GPHN: variants seen among roughly 807,000 people sequenced by gnomAD.
GPHN encodes the protein gephyrin.
In GPHN, 17 loss-of-function variants were observed where a neutral mutation model predicts 95.5. The observed-to-expected ratio is 0.18, with a 90% CI of 0.12 to 0.27. GPHN has a LOEUF of 0.27. Ranked by LOEUF, GPHN falls within the 10% of genes least tolerant of loss-of-function variation. The probability of loss-of-function intolerance (pLI) is 1.00; values close to 1 mark genes in which losing one functional copy is unlikely to be tolerated. For synonymous variants in GPHN, 320 were observed against 322.5 expected, an observed-to-expected ratio of 0.99 and a Z score of 0.08; for missense variants, 660 against 978.1, an observed-to-expected ratio of 0.67 and a Z score of 4.34.
chr14:66,531,210 T>C (rs1168312856), intron 1 of GPHN, among the ~76,000 whole-genome samples: 1 of 152,100 alleles, frequency 6.6e-6, no homozygotes, highest in African/African-American at 2.4e-5. Flanking sequence ...CCCCCCAAAG[T>C]GCTGGGATTA....
At chr14:66,838,585 C>G (rs1295745939) in intron 4 of GPHN, among the ~76,000 whole-genome samples, 3 of 151,984 alleles carry the variant, frequency 2.0e-5, no homozygotes, top group Admixed American at 1.3e-4. Flanking sequence ...TTTGGTTTTG[C>G]AAAATATGTG....
intron 2 of GPHN, among the ~76,000 whole-genome samples, chr14:66,746,304 C>T (rs574199878): frequency 6.6e-6 from 1 of 152,154 alleles, no homozygotes; most frequent in African/African-American, 2.4e-5. Context: ...AATCAATTGT[C>T]TTATCCCATG....
chr14:67,688,752 C>T, the GPHN span, among the ~76,000 whole-genome samples: 5,596 of 152,076 alleles, frequency 0.037, 299 homozygotes, highest in African/African-American at 0.12. Flanking sequence ...GAGCTTTTTA[C>T]AATGAGAATT....
intron 3 of GPHN, among the ~76,000 whole-genome samples, chr14:66,818,937 T>G (rs780215322): frequency 2.0e-5 from 3 of 149,200 alleles, no homozygotes; most frequent in Admixed American, 7.9e-5. Flanking sequence ...TTTTAATGGG[T>G]TTTTTCCCTG....
chr14:67,238,271 T>TG, the GPHN span, among the ~76,000 whole-genome samples: 2 of 131,986 alleles, frequency 1.5e-5, no homozygotes, highest in African/African-American at 6.3e-5. Flanking sequence ...CTTGCTTTCT[T>TG]TTTTTTTTTT....
chr14:67,722,671 CCTT>C, the GPHN span: 3 of 1,613,844 alleles, frequency 1.9e-6, no homozygotes, highest in South Asian at 1.1e-5. Flanking sequence ...CTGCTCACCT[CCTT>C]CTTCTCGTTC....
At chr14:67,345,677 G>A in the GPHN span, 2 of 782,500 alleles carry the variant, frequency 2.6e-6, no homozygotes, top group Admixed American at 4.3e-5. Context: ...AAAGTACAAA[G>A]CACAGTATAT....
intron 8 of GPHN, among the ~76,000 whole-genome samples, chr14:66,930,525 GTTTTTT>G (rs59312092): frequency 7.6e-6 from 1 of 130,864 alleles, no homozygotes. Flanking sequence ...AAAGTTGTAG[GTTTTTT>G]TTTTTTTTTT....
intron 1 of GPHN, among the ~76,000 whole-genome samples, chr14:66,678,720 C>T (rs879470865): frequency 6.6e-5 from 10 of 151,824 alleles, no homozygotes; most frequent in Non-Finnish European, 1.5e-4. Context: ...TCTGGATTAG[C>T]TTTTTTAGGT....
At chr14:66,871,824 A>T (rs1490522939) in intron 4 of GPHN, among the ~76,000 whole-genome samples, 1 of 152,198 alleles carries the variant, frequency 6.6e-6, no homozygotes, top group African/African-American at 2.4e-5. Flanking sequence ...TACCTAATAC[A>T]TGCAGAGCTT....
chr14:67,279,003 C>G, the GPHN span: 28 of 599,076 alleles, frequency 4.7e-5, no homozygotes, highest in Admixed American at 9.4e-4. Context: ...TTTTCCCCCC[C>G]ATCTTTCCCC....
the GPHN span, chr14:67,376,403 A>T: frequency 6.5e-7 from 1 of 1,547,986 alleles, no homozygotes; most frequent in Admixed American, 2.0e-5. Flanking sequence ...TAAATCTCTT[A>T]TCTTTGAATT....
At chr14:67,050,406 CTGAG>C (rs2075254128) in intron 10 of GPHN, among the ~76,000 whole-genome samples, 1 of 152,144 alleles carries the variant, frequency 6.6e-6, no homozygotes, top group Non-Finnish European at 1.5e-5. Flanking sequence ...CAAGTATTTA[CTGAG>C]TATCTACTAT....
chr14:67,062,372 G>C (rs1196113472), intron 11 of GPHN, among the ~76,000 whole-genome samples: 3 of 152,216 alleles, frequency 2.0e-5, no homozygotes, highest in African/African-American at 7.2e-5. Context: ...CTTTGCCTCT[G>C]CAAACACTCT....
At chr14:67,673,180 T>C in the GPHN span, among the ~76,000 whole-genome samples, 2 of 152,150 alleles carry the variant, frequency 1.3e-5, no homozygotes, top group Non-Finnish European at 2.9e-5. Context: ...CTGTCTCTAC[T>C]AAAAATACAA....
At chr14:67,162,786 G>A (rs1190653477) in intron 19 of GPHN, among the ~76,000 whole-genome samples, 5 of 152,124 alleles carry the variant, frequency 3.3e-5, no homozygotes, top group African/African-American at 9.7e-5. Flanking sequence ...ATGTACTAAC[G>A]CTACATAACC....
chr14:67,591,334 C>G, the GPHN span, among the ~76,000 whole-genome samples: 2 of 152,182 alleles, frequency 1.3e-5, no homozygotes, highest in South Asian at 4.1e-4. Flanking sequence ...TGTCCAATCT[C>G]TGGAGCCCGA....
intron 3 of GPHN, among the ~76,000 whole-genome samples, chr14:66,779,526 G>A (rs1019950535): frequency 5.9e-5 from 9 of 151,928 alleles, no homozygotes; most frequent in Admixed American, 2.6e-4. Flanking sequence ...GTATTATAAA[G>A]GCACCCTGTC....
intron 5 of GPHN, among the ~76,000 whole-genome samples, chr14:66,894,703 G>A (rs2064734080): frequency 6.6e-6 from 1 of 152,190 alleles, no homozygotes; most frequent in Admixed American, 6.5e-5. Flanking sequence ...CGAAGGATAT[G>A]AACAGACACT....
Sources: gnomAD v4.1 joint callset for allele counts (sites outside exome capture counted in the v4.1 genomes callset) on GRCh38, gnomAD v4.1.1 for gene constraint, MANE v1.5 for transcripts, NCBI Gene and HGNC (gene_info 2026-07-23, HGNC 2026-07-21) for gene names.